PRKCI: variants seen among roughly 807,000 people sequenced by gnomAD.
The protein encoded by PRKCI is protein kinase C iota, also known as protein kinase C iota type.
A neutral mutation model predicts 84.0 loss-of-function variants in PRKCI; 43 were observed. The observed-to-expected ratio is 0.51, with a 90% confidence interval of 0.40 to 0.66. The LOEUF (loss-of-function observed/expected upper bound fraction) is 0.66, where lower values mean the gene tolerates loss of function less well. Ranked by LOEUF, PRKCI falls within the 30% of genes least tolerant of loss-of-function variation. PRKCI has a pLI of 0.00. For synonymous variants in PRKCI, 216 were observed against 234.4 expected, an observed-to-expected ratio of 0.92 and a Z score of 0.72; for missense variants, 459 against 745.6, an observed-to-expected ratio of 0.62 and a Z score of 4.48.
intron 8 of PRKCI, among the ~76,000 whole-genome samples, chr3:170,275,767 A>G (rs916981454): frequency 1.3e-5 from 2 of 152,128 alleles, no homozygotes; most frequent in African/African-American, 2.4e-5. Context: ...GAAAAAGATA[A>G]TCATGTCTCC....
chr3:170,259,955 T>C lies in PRKCI; in HGVS notation c.224-14T>C. 1.3e-6 allele frequency: 2 copies of C among 1,571,718 alleles called. No homozygotes were observed. The highest frequency in any genetic ancestry group is 1.2e-5 in the South Asian group (1 of 85,152). On this transcript the variant is annotated splice_polypyrimidine_tract_variant and intron_variant, in intron 2 of 17. Coordinates refer to ENST00000295797, the MANE Select transcript of PRKCI (RefSeq NM_002740.6). ...GTTTTAAAGTGACCTTTACTTTACT[T>C]TTGTGTTTTTTAGGAGACCCGTGTA...
intron 13 of PRKCI, among the ~76,000 whole-genome samples, chr3:170,293,161 T>G (rs775889245): frequency 5.4e-5 from 8 of 148,218 alleles, no homozygotes; most frequent in Non-Finnish European, 8.8e-5. Context: ...GAAAGAAAGT[T>G]TTTTTTTCTC....
chr3:170,222,576 T>G lies in PRKCI; in HGVS notation c.-94T>G, dbSNP rs1732514152. ...CAGGTAGGTGGGCGGACGGCCGCGG[T>G]TCTCCGGCAAGCGCAGGCGGCGGAG... On this transcript the variant is annotated 5_prime_UTR_variant, in exon 1 of 18. Transcript: ENST00000295797. 1 of 1,126,712 alleles carries G rather than the reference T, an allele frequency of 8.9e-7. No homozygotes were observed. Among genetic ancestry groups the G allele is most frequent in the Admixed American group, 2.9e-5 (1 of 34,220 alleles). The allele number at this position is 1,126,712 out of a possible 1,614,324, so 69.8% of individuals were successfully genotyped here.
chr3:170,247,771 A>AGTG (rs1456206927), intron 2 of PRKCI, among the ~76,000 whole-genome samples: 16 of 143,392 alleles, frequency 1.1e-4, no homozygotes, highest in African/African-American at 3.9e-4. Context: ...GTTGAGGATG[A>AGTG]GCGGCTTCAT....
intron 1 of PRKCI, among the ~76,000 whole-genome samples, chr3:170,232,204 C>T (rs903153594): frequency 1.3e-5 from 2 of 152,058 alleles, no homozygotes; most frequent in Non-Finnish European, 2.9e-5. Flanking sequence ...GCACACACCA[C>T]TATGTCTGGC....
chr3:170,247,772 G>A (rs1733325947), intron 2 of PRKCI, among the ~76,000 whole-genome samples: 1 of 147,766 alleles, frequency 6.8e-6, no homozygotes, highest in Admixed American at 6.8e-5. Flanking sequence ...TTGAGGATGA[G>A]CGGCTTCATG....
rs763154483 is a variant in PRKCI at position 170,270,433 on chromosome 3, G to A, written c.463G>A (p.Ala155Thr). The A allele has an allele frequency of 6.2e-7, 1 of 1,605,836 alleles. No individual in the cohort carries two copies. Among genetic ancestry groups the A allele is most frequent in the Non-Finnish European group, 8.5e-7 (1 of 1,175,186 alleles). ...AKRFNRRAHC[A>T]ICTDRIWGLG... Reference sequence around the variant, plus strand: ...TTACTCTTTTCAGCGTGCTCACTGTGCCATCTGCACAGACCGAATATGGGG... The same window carrying A: ...TTACTCTTTTCAGCGTGCTCACTGTACCATCTGCACAGACCGAATATGGGG... Residue 155 changes from alanine (A) to threonine (T), a missense_variant, in exon 6 of 18, where the codon GCC becomes ACC. Transcript: ENST00000295797.
chr3:170,269,167 G>A (rs1733939648), intron 5 of PRKCI, among the ~76,000 whole-genome samples: 1 of 152,062 alleles, frequency 6.6e-6, no homozygotes, highest in Admixed American at 6.6e-5. Flanking sequence ...CGTCCGCCTC[G>A]GCCTCCCAAA....
chr3:170,235,736 T>A (rs909953952), intron 2 of PRKCI, among the ~76,000 whole-genome samples: 5 of 151,996 alleles, frequency 3.3e-5, no homozygotes, highest in Admixed American at 6.6e-5. Context: ...CGGCTAATTT[T>A]TGTATTTTTA....
At chr3:170,227,302 C>T (rs1036216524) in intron 1 of PRKCI, among the ~76,000 whole-genome samples, 3 of 152,042 alleles carry the variant, frequency 2.0e-5, no homozygotes, top group Non-Finnish European at 2.9e-5. Flanking sequence ...GTTGAACGTC[C>T]GTAATCCAGG....
intron 9 of PRKCI, among the ~76,000 whole-genome samples, chr3:170,280,898 A>AT (rs936600413): frequency 4.6e-5 from 7 of 150,552 alleles, no homozygotes; most frequent in Admixed American, 6.6e-5. Flanking sequence ...TGATTATTAG[A>AT]TTTTTTTAAA....
intron 13 of PRKCI, 174 bp from the exon 14 acceptor site, chr3:170,293,209 C>A: frequency 2.0e-6 from 1 of 499,274 alleles, no homozygotes. Flanking sequence ...AGGTACCTAC[C>A]CTTGTTGATA....
chr3:170,249,427 G>A (rs902382951), intron 2 of PRKCI, among the ~76,000 whole-genome samples: 1 of 152,084 alleles, frequency 6.6e-6, no homozygotes. Flanking sequence ...GCGTGTGTGC[G>A]TTTATGTGTG....
At chr3:170,265,247 C>T (rs1366954127) in intron 4 of PRKCI, among the ~76,000 whole-genome samples, 3 of 151,750 alleles carry the variant, frequency 2.0e-5, no homozygotes, top group Non-Finnish European at 2.9e-5. Context: ...AACTCTTGGA[C>T]TGGGGCTGAG....
At chr3:170,287,699 C>G (rs1465525494) in intron 12 of PRKCI, among the ~76,000 whole-genome samples, 1 of 151,406 alleles carries the variant, frequency 6.6e-6, no homozygotes, top group African/African-American at 2.4e-5. Flanking sequence ...CACTTGAGGT[C>G]AGGAGTTTGA....
intron 1 of PRKCI, among the ~76,000 whole-genome samples, chr3:170,233,897 T>C (rs1408073348): frequency 6.6e-6 from 1 of 151,972 alleles, no homozygotes; most frequent in Non-Finnish European, 1.5e-5. Context: ...ATTTTTGTAT[T>C]TTTAGTAGAG....
chr3:170,246,217 A>G (rs1180708783), intron 2 of PRKCI, among the ~76,000 whole-genome samples: 2 of 151,824 alleles, frequency 1.3e-5, no homozygotes, highest in African/African-American at 4.8e-5. Flanking sequence ...CAGTGGCATG[A>G]TCTTAGCCCA....
intron 2 of PRKCI, among the ~76,000 whole-genome samples, chr3:170,253,088 AT>A (rs1439233462): frequency 6.6e-6 from 1 of 152,158 alleles, no homozygotes; most frequent in Non-Finnish European, 1.5e-5. Flanking sequence ...CTCCCATTGT[AT>A]TGCTAGACAC....
chr3:170,268,949 C>T (rs1560177607), intron 5 of PRKCI, among the ~76,000 whole-genome samples: 1 of 152,234 alleles, frequency 6.6e-6, no homozygotes, highest in Middle Eastern at 3.4e-3. Flanking sequence ...GAGTCCCGCT[C>T]TATCGCCCAG....
Sources: allele counts gnomAD v4.1 joint callset (sites outside exome capture counted in the v4.1 genomes callset), GRCh38; gene constraint gnomAD v4.1.1; transcripts MANE v1.5; gene names NCBI Gene and HGNC (gene_info 2026-07-23, HGNC 2026-07-21).